Variants in ACE observed in about 807,000 individuals in gnomAD.
ACE encodes angiotensin I converting enzyme.
A neutral mutation model predicts 162.3 loss-of-function variants in ACE; 122 were observed. That is an observed-to-expected ratio of 0.75 (90% CI 0.65 to 0.87). The LOEUF (loss-of-function observed/expected upper bound fraction) is 0.87, where lower values mean the gene tolerates loss of function less well. ACE is among the 40% of genes least tolerant of loss of function. The probability of loss-of-function intolerance (pLI) is 0.00; values close to 1 mark genes in which losing one functional copy is unlikely to be tolerated. For synonymous variants in ACE, 796 were observed against 720.6 expected, an observed-to-expected ratio of 1.10 and a Z score of -1.68; for missense variants, 1,799 against 1,735.1, an observed-to-expected ratio of 1.04 and a Z score of -0.65.
chr17:63,496,800 C>T lies in ACE; in HGVS notation c.3506C>T (p.Thr1169Ile). ...QSKEAGQRLA[T>I]AMKLGFSRPW... Reference sequence around the variant, plus strand: ...CTCCCTGTCTCATGCCTCCCCAGGACCGCCATGAAGCTGGGCTTCAGTAGG... The same window carrying T: ...CTCCCTGTCTCATGCCTCCCCAGGATCGCCATGAAGCTGGGCTTCAGTAGG... The change falls in exon 24 of 25, where the codon ACC becomes ATC. Residue 1169 changes from threonine (T) to isoleucine (I), a missense_variant and splice_region_variant. Thr to Ile is a moderately conservative substitution (Grantham distance 89). Transcript: ENST00000290866. The T allele has an allele frequency of 1.2e-6, 2 of 1,612,076 alleles. No individual in the cohort carries two copies. The highest frequency in any genetic ancestry group is 8.5e-7 in the Non-Finnish European group (1 of 1,180,000).
chr17:63,481,492 A>T, intron 6 of ACE, 74 bp from the exon 7 acceptor site: 1 of 1,546,946 alleles, frequency 6.5e-7, no homozygotes, highest in Non-Finnish European at 8.8e-7. Context: ...TTGACCCGAG[A>T]TGGGGACCCC....
In ACE at chr17:63,481,099, T is replaced by G. The variant is rs1365148386; in HGVS notation, c.856T>G (p.Trp286Gly). The G allele has an allele frequency of 3.7e-6, 6 of 1,613,906 alleles. No individual in the cohort carries two copies. Among genetic ancestry groups the G allele is most frequent in the Non-Finnish European group, 5.1e-6 (6 of 1,179,958 alleles). Reference sequence around the variant, plus strand: ...CTTCCTTCCTTATCTAGGAGACATGTGGGCCCAGAGCTGGGAAAACATCTA... The same window carrying G: ...CTTCCTTCCTTATCTAGGAGACATGGGGGCCCAGAGCTGGGAAAACATCTA... ...PIPAHLLGDM[W>G]AQSWENIYDM... The change falls in exon 6 of 25, where the codon TGG becomes GGG. Residue 286 changes from tryptophan (W) to glycine (G), a missense_variant. By Grantham distance (184) the Trp-to-Gly change is radical. Transcript: ENST00000290866.
At position 63,487,079 on chromosome 17, in the gene ACE, A is replaced by G; in HGVS notation, c.2305+6A>G. ...CTGCCTGCAGCTCGAGCCAGGTGAG[A>G]GCTCATGTGCAGGCTGAGTGAGAGG... On this transcript the variant is annotated splice_donor_region_variant and intron_variant, in intron 15 of 24. Coordinates refer to ENST00000290866, the MANE Select transcript of ACE (RefSeq NM_000789.4). 2 of 1,612,952 alleles carry G rather than the reference A, an allele frequency of 1.2e-6. No individual in the cohort carries two copies. Among genetic ancestry groups the G allele is most frequent in the Non-Finnish European group, 1.7e-6 (2 of 1,179,574 alleles).
At position 63,493,622 on chromosome 17, in the gene ACE, C is replaced by T. The variant is rs768882213; in HGVS notation, c.3099C>T (p.His1033=). ...CAGTGTCTACGCCCAAGCACCTGCA[C>T]AGTCTCAACCTGCTGAGCAGTGAGG... ...ALSVSTPKHL[H]SLNLLSSEGG... The change falls in exon 20 of 25, where the codon CAC becomes CAT. Residue 1033 remains histidine, a synonymous_variant. Coordinates refer to ENST00000290866, the MANE Select transcript of ACE (RefSeq NM_000789.4). The T allele has an allele frequency of 3.1e-6, 5 of 1,614,010 alleles. No homozygotes were observed. The highest frequency in any genetic ancestry group is 4.2e-6 in the Non-Finnish European group (5 of 1,179,990).
chr17:63,496,361 T>A lies in ACE; in HGVS notation c.3381-33T>A, dbSNP rs766911845. ...CAGTGGCACAAGGCCCTCAACCAACTCCGCCCCGGGCCACGGCCTCGCTCT... is the reference window on the plus strand; with the variant it reads ...CAGTGGCACAAGGCCCTCAACCAACACCGCCCCGGGCCACGGCCTCGCTCT... On this transcript the variant is annotated intron_variant, in intron 22 of 24. Transcript: ENST00000290866. 3 of 1,613,818 alleles carry A rather than the reference T, an allele frequency of 1.9e-6. No homozygotes were observed. The Admixed American group carries it at 5.0e-5, about 27-fold the overall frequency.
rs1181039131 is a variant in ACE, at chr17:63,496,397, C to T, written c.3384C>T (p.Tyr1128=). 2 of 1,614,196 alleles carry T rather than the reference C, an allele frequency of 1.2e-6. No individual in the cohort carries two copies. The highest frequency in any genetic ancestry group is 1.7e-6 in the Non-Finnish European group (2 of 1,180,016). ...CCACGGCCTCGCTCTGCTCCAGGTA[C>T]TTTGTCAGCTTCATCATCCAGTTCC... ...HIPSSVPYIR[Y]FVSFIIQFQF... The change falls in exon 23 of 25, where the codon TAC becomes TAT. Residue 1128 remains tyrosine, a synonymous_variant. Coordinates refer to ENST00000290866, the MANE Select transcript of ACE (RefSeq NM_000789.4).
At chr17:63,493,161 G>GTT (rs1195309186) in intron 19 of ACE, among the ~76,000 whole-genome samples, 1 of 152,246 alleles carries the variant, frequency 6.6e-6, no homozygotes, top group Non-Finnish European at 1.5e-5. Flanking sequence ...ACTTTGTACA[G>GTT]TCAGAAAGCA....
At position 63,491,337 on chromosome 17, in the gene ACE, C is replaced by T. The variant is rs774748647; in HGVS notation, c.2868C>T (p.Val956=). The T allele has an allele frequency of 6.2e-7, 1 of 1,614,154 alleles. No individual in the cohort carries two copies. The highest frequency in any genetic ancestry group is 1.3e-5 in the African/African-American group (1 of 75,048). Residue 956 remains valine (V), a synonymous_variant, in exon 19 of 25, where the codon GTC becomes GTT. Coordinates refer to ENST00000290866, the MANE Select transcript of ACE (RefSeq NM_000789.4). This position sits in a 1 kb window ranked among gnomAD's most constrained non-coding sequence, Gnocchi z 4.4. ...AGCCAACCGACGGGCGGGAGGTGGT[C>T]TGCCACGCCTCGGCCTGGGACTTCT... is the stretch of plus-strand genomic sequence containing the variant. ...LEKPTDGREV[V]CHASAWDFYN...
intron 15 of ACE, among the ~76,000 whole-genome samples, chr17:63,487,946 G>A (rs1347897479): frequency 1.3e-5 from 2 of 152,214 alleles, no homozygotes; most frequent in Admixed American, 1.3e-4. Flanking sequence ...AAGTGTGAGG[G>A]GAGGCTGGCC....
chr17:63,492,846 A>AC (rs1211033551), intron 19 of ACE, among the ~76,000 whole-genome samples: 2 of 152,024 alleles, frequency 1.3e-5, no homozygotes, highest in African/African-American at 2.4e-5. Context: ...ACATAGCGAG[A>AC]CCCCATTTCA....
In ACE at chr17:63,477,226, C is replaced by T. The variant is rs1437897719; in HGVS notation, c.132C>T (p.Ala44=). 4 of 1,500,334 alleles carry T rather than the reference C, an allele frequency of 2.7e-6. No homozygotes were observed. Among genetic ancestry groups the T allele is most frequent in the African/African-American group, 1.5e-5 (1 of 68,860 alleles). The allele number at this position is 1,500,334 out of a possible 1,614,324, so 92.9% of individuals were successfully genotyped here. The change falls in exon 1 of 25, where the codon GCC becomes GCT. Residue 44 remains alanine, a synonymous_variant. Transcript: ENST00000290866. ...CCGGCAACTTTTCTGCTGACGAGGC[C>T]GGGGCGCAGCTCTTCGCGCAGAGCT... ...LQPGNFSADE[A]GAQLFAQSYN... is the part of the protein sequence containing the mutation.
chr17:63,478,486 C>T lies in ACE; in HGVS notation c.417+388C>T, dbSNP rs535781058. The T allele has an allele frequency of 2.3e-5, 7 of 306,016 alleles. No individual in the cohort carries two copies. In the East Asian group the frequency reaches 5.9e-4, roughly 26 times the overall value. The allele number at this position is 306,016 out of a possible 1,614,324, so 19.0% of individuals were successfully genotyped here. Reference sequence around the variant, plus strand: ...TTCAAGACCAGCCTGGCCAACATGGCAAAACCTCGTCTCTACAAAAAAAAA... The same window carrying T: ...TTCAAGACCAGCCTGGCCAACATGGTAAAACCTCGTCTCTACAAAAAAAAA... On this transcript the variant is annotated intron_variant, in intron 2 of 24. Coordinates refer to ENST00000290866, the MANE Select transcript of ACE (RefSeq NM_000789.4).
At chr17:63,488,586 G>A (rs924281279) in intron 15 of ACE, 62 bp from the exon 16 acceptor site, 2 of 1,590,000 alleles carry the variant, frequency 1.3e-6, no homozygotes, top group Non-Finnish European at 1.7e-6. Context: ...AATTCTCTGA[G>A]CTCCCCTTAC....
chr17:63,486,988 C>A lies in ACE; in HGVS notation c.2220C>A (p.Tyr740Ter). The A allele has an allele frequency of 6.2e-7, 1 of 1,613,520 alleles. No homozygotes were observed. Among genetic ancestry groups the A allele is most frequent in the East Asian group, 2.2e-5 (1 of 44,880 alleles). ...AALPAQELEE[Y>*]NKILLDMETT... The stretch of plus-strand genomic sequence containing the variant: ...ATTGCCTCTCCTTCCTCCTGCAGTA[C>A]AACAAGATCCTGTTGGATATGGAAA... The change falls in exon 15 of 25, where the codon TAC (tyrosine) becomes TAA (stop). Residue 740 changes from tyrosine to a stop codon, truncating the protein, a stop_gained and splice_region_variant. Coordinates refer to ENST00000290866, the MANE Select transcript of ACE (RefSeq NM_000789.4). LOFTEE classifies it high-confidence loss of function.
At chr17:63,478,654 C>T in intron 2 of ACE, 1 of 383,544 alleles carries the variant, frequency 2.6e-6, no homozygotes, top group Non-Finnish European at 5.0e-6. Flanking sequence ...CAGAGTGAGA[C>T]CTCCCCCCAA....
At chr17:63,477,754 C>T (rs1424352007) in intron 1 of ACE, 177 bp from the exon 2 acceptor site, 6 of 721,540 alleles carry the variant, frequency 8.3e-6, no homozygotes, top group Non-Finnish European at 9.1e-6. Context: ...AGGCAGATTC[C>T]CTCCAGAAGG....
intron 22 of ACE, chr17:63,496,065 G>A (rs1043379092): frequency 2.5e-6 from 1 of 405,422 alleles, no homozygotes; most frequent in Non-Finnish European, 4.7e-6. Flanking sequence ...TATACCCCAG[G>A]GATGGAGACC....
rs1000446893 is a variant in ACE, at chr17:63,491,863, G to A, written c.2912+482G>A. On this transcript the variant is annotated intron_variant, in intron 19 of 24. Coordinates refer to ENST00000290866, the MANE Select transcript of ACE (RefSeq NM_000789.4). This position sits in a 1 kb window ranked among gnomAD's most constrained non-coding sequence, Gnocchi z 4.4. ...CAAGCACCCCAGAGCTTAGCCTTAC[G>A]AAACAACCAGTTGATTTTGCTTATG... Among the ~76,000 whole-genome samples the A allele has an allele frequency of 2.0e-5, 3 of 152,222 alleles. No homozygotes were observed. Among genetic ancestry groups the A allele is most frequent in the South Asian group, 2.1e-4 (1 of 4,832 alleles).
chr17:63,497,358 CACT>C lies in ACE; in HGVS notation c.3914_3916del (p.His1305_Ser1306delinsPro), dbSNP rs1568049886. ...GTTCGGCTCCGAGGTGGAGCTGAGA[CACT>C]CCTGAGGTGACCCGGCTGGGTCGGC... is the stretch of plus-strand genomic sequence containing the variant. On this transcript the variant is annotated inframe_deletion, in exon 25 of 25. Coordinates refer to ENST00000290866, the MANE Select transcript of ACE (RefSeq NM_000789.4). 1.3e-6 allele frequency: 2 copies of C among 1,548,540 alleles called. No homozygotes were observed. The highest frequency in any genetic ancestry group is 2.4e-5 in the South Asian group (2 of 84,032).
Sources: gnomAD v4.1 joint callset for allele counts (sites outside exome capture counted in the v4.1 genomes callset) on GRCh38, gnomAD v4.1.1 for gene constraint, Gnocchi (gnomAD v3.1) non-coding constraint, MANE v1.5 for transcripts, NCBI Gene and HGNC (gene_info 2026-07-23, HGNC 2026-07-21) for gene names.